SLC9A8: variants seen among roughly 807,000 people sequenced by gnomAD.
SLC9A8 encodes the protein solute carrier family 9 member A8.
In SLC9A8, 48 loss-of-function variants were observed where a neutral mutation model predicts 66.6. That is an observed-to-expected ratio of 0.72 (90% CI 0.57 to 0.92). SLC9A8 has a LOEUF of 0.92. SLC9A8 is among the 40% of genes least tolerant of loss of function. The pLI, the probability that SLC9A8 is intolerant of heterozygous loss-of-function variation, is 0.00. For synonymous variants in SLC9A8, 274 were observed against 282.6 expected (o/e 0.97, Z 0.31); for missense variants, 599 against 747.3 (o/e 0.80, Z 2.31).
At position 49,815,094 on chromosome 20, in the gene SLC9A8, C is replaced by T. The variant is rs776437567; in HGVS notation, c.113C>T (p.Pro38Leu). 1.6e-5 allele frequency: 26 copies of T among 1,609,046 alleles called. No homozygotes were observed. Among genetic ancestry groups the T allele is most frequent in the East Asian group, 2.3e-5 (1 of 44,436 alleles). ...ACGACGAAACTGGTGCTCCCGACCC[C>T]TGGCAAGCCCATCCTCCCCGTGCAG... ...VVTTKLVLPT[P>L]GKPILPVQTG... Residue 38 changes from proline (P) to leucine (L), a missense_variant, in exon 2 of 16, where the codon CCT (proline) becomes CTT (leucine). By Grantham distance (98) the Pro-to-Leu change is moderately conservative. Around this residue, in one of 2 missense-constraint regions of SLC9A8, gnomAD observed 132 missense variants for 120.9 expected, o/e 1.09. Transcript: ENST00000361573.
intron 7 of SLC9A8, 29 bp downstream of exon 7, chr20:49,850,873 C>T (rs775239713): frequency 1.2e-5 from 19 of 1,537,004 alleles, no homozygotes; most frequent in Admixed American, 1.8e-5. Context: ...AACACCCATG[C>T]GACTGCTTTT....
At chr20:49,817,967 A>G (rs2086614811) in intron 2 of SLC9A8, among the ~76,000 whole-genome samples, 2 of 152,182 alleles carry the variant, frequency 1.3e-5, no homozygotes, top group Admixed American at 1.3e-4. Flanking sequence ...ATTAAGGAGT[A>G]TTATTAATCT....
In SLC9A8 at chr20:49,891,403, A is replaced by T. The variant is rs1424584892; in HGVS notation, c.*3467A>T. 6.6e-6 allele frequency: 1 copy of T among 152,232 alleles called. No homozygotes were observed. The highest frequency in any genetic ancestry group is 6.5e-5 in the Admixed American group (1 of 15,286). 9.4% of individuals were successfully genotyped at this position (152,232 alleles called of 1,614,324 possible). A position where few individuals can be genotyped will look rare whatever the true frequency, so the allele number is the denominator to read the frequency against. ...TCACGCCCTCCATCTCACAGTCAAG[A>T]TAAAGGCCTCGAGAATAAAGAGCCA... On this transcript the variant is annotated 3_prime_UTR_variant, in exon 16 of 16. Coordinates refer to ENST00000361573, the MANE Select transcript of SLC9A8 (RefSeq NM_015266.3).
Position 49,880,967 on chromosome 20 carries a change from C to T in SLC9A8, c.1202C>T (p.Ser401Phe), listed in dbSNP as rs762195695. 6.2e-7 allele frequency: 1 copy of T among 1,613,920 alleles called. No homozygotes were observed. Among genetic ancestry groups the T allele is most frequent in the African/African-American group, 1.3e-5 (1 of 74,918 alleles). The change falls in exon 13 of 16, where the codon TCC becomes TTC. Residue 401 changes from serine to phenylalanine, a missense_variant. Around this residue, in one of 2 missense-constraint regions of SLC9A8, gnomAD observed 467 missense variants for 626.5 expected, o/e 0.75. Transcript: ENST00000361573. ...AGAGCGGTAAACATTTTCCCTCTTT[C>T]CTACCTCCTGAATTTCTTCCGGGAT... ...FGRAVNIFPL[S>F]YLLNFFRDHK...
At chr20:49,814,951 G>A (rs1020349433) in intron 1 of SLC9A8, 57 bp from the exon 2 acceptor site, 39 of 1,357,486 alleles carry the variant, frequency 2.9e-5, no homozygotes, top group Non-Finnish European at 3.6e-5. Context: ...TGAGGTGTGT[G>A]AATTGATGTT....
intron 2 of SLC9A8, among the ~76,000 whole-genome samples, chr20:49,816,829 C>A (rs550334909): frequency 6.6e-6 from 1 of 151,898 alleles, no homozygotes; most frequent in African/African-American, 2.4e-5. Flanking sequence ...CCCGGGTTCA[C>A]GCCGTTCTCC....
intron 11 of SLC9A8, among the ~76,000 whole-genome samples, chr20:49,877,249 G>A (rs1168723311): frequency 2.0e-5 from 3 of 151,970 alleles, no homozygotes; most frequent in South Asian, 2.1e-4. Flanking sequence ...AGCCGAGATC[G>A]TGCCACTACA....
intron 13 of SLC9A8, among the ~76,000 whole-genome samples, chr20:49,882,829 G>A (rs1055255496): frequency 6.6e-6 from 1 of 152,178 alleles, no homozygotes; most frequent in African/African-American, 2.4e-5. Flanking sequence ...GTTTAGAGAG[G>A]CTGAGAGTCC....
intron 12 of SLC9A8, 111 bp downstream of exon 12, chr20:49,878,174 T>C: frequency 1.8e-6 from 1 of 565,620 alleles, no homozygotes; most frequent in Non-Finnish European, 2.9e-6. Flanking sequence ...AACAGCTACA[T>C]AGACACTCTT....
In SLC9A8 at chr20:49,886,908, CGGCCA is replaced by C; in HGVS notation, c.1638+16_1638+20del. On this transcript the variant is annotated intron_variant, in intron 15 of 15. Coordinates refer to ENST00000361573, the MANE Select transcript of SLC9A8 (RefSeq NM_015266.3). This position sits in a 1 kb window ranked among gnomAD's most constrained non-coding sequence, Gnocchi z 4.8. ...GAGGCTGACGCAGGAGGTGGGATAC[CGGCCA>C]GGCCACACTTTCTGGGGGTCCCTTG... 6.2e-7 allele frequency: 1 copy of C among 1,611,194 alleles called. No individual in the cohort carries two copies. Among genetic ancestry groups the C allele is most frequent in the South Asian group, 1.1e-5 (1 of 90,684 alleles).
intron 3 of SLC9A8, among the ~76,000 whole-genome samples, chr20:49,834,208 T>TACAC (rs1217049883): frequency 4.7e-4 from 54 of 115,578 alleles, no homozygotes; most frequent in African/African-American, 1.6e-3. Flanking sequence ...TATATATATA[T>TACAC]ATATATACAC....
At chr20:49,881,831 C>CT (rs2089636058) in intron 13 of SLC9A8, among the ~76,000 whole-genome samples, 1 of 152,118 alleles carries the variant, frequency 6.6e-6, no homozygotes, top group Non-Finnish European at 1.5e-5. Context: ...TTCCTAATCT[C>CT]TTTTGCCAGT....
At chr20:49,869,544 T>C (rs2089121309) in intron 10 of SLC9A8, among the ~76,000 whole-genome samples, 1 of 150,512 alleles carries the variant, frequency 6.6e-6, no homozygotes, top group African/African-American at 2.4e-5. Flanking sequence ...TCTTAAGATG[T>C]TGGCATGGGC....
intron 3 of SLC9A8, among the ~76,000 whole-genome samples, chr20:49,828,857 A>G (rs982106935): frequency 4.0e-5 from 6 of 151,274 alleles, no homozygotes; most frequent in African/African-American, 1.5e-4. Context: ...AGTAATAATA[A>G]TAATAATAAT....
chr20:49,882,491 A>G (rs1176032963), intron 13 of SLC9A8, among the ~76,000 whole-genome samples: 8 of 152,098 alleles, frequency 5.3e-5, no homozygotes, highest in Admixed American at 4.6e-4. Context: ...TGGCTTCTTC[A>G]GGACTTGGCC....
At chr20:49,849,716 T>TA (rs1158734695) in intron 6 of SLC9A8, 36 bp downstream of exon 6, 2 of 1,517,012 alleles carry the variant, frequency 1.3e-6, no homozygotes, top group Non-Finnish European at 1.8e-6. Context: ...TTGAAAGTCT[T>TA]ACATTCTTAG....
chr20:49,886,679 G>A lies in SLC9A8; in HGVS notation c.1492-73G>A, dbSNP rs2089902859. ...TGGGGACACTGGCGGCCTGGGTGGT[G>A]TGGGGGCTTCCAGGAGGTGCCCCCC... On this transcript the variant is annotated intron_variant, in intron 14 of 15. Transcript: ENST00000361573. This position sits in a 1 kb window ranked among gnomAD's most constrained non-coding sequence, Gnocchi z 4.8. 3 of 1,553,618 alleles carry A rather than the reference G, an allele frequency of 1.9e-6. No individual in the cohort carries two copies. The South Asian group carries it at 3.5e-5, about 18-fold the overall frequency.
intron 12 of SLC9A8, among the ~76,000 whole-genome samples, chr20:49,878,746 G>A (rs568701696): frequency 3.3e-5 from 5 of 152,288 alleles, no homozygotes; most frequent in South Asian, 2.1e-4. Flanking sequence ...TAGGCTGGGC[G>A]CGGTGGCTCA....
At chr20:49,834,185 CTATATATATA>C (rs377091649) in intron 3 of SLC9A8, among the ~76,000 whole-genome samples, 1,959 of 34,450 alleles carry the variant, frequency 0.057, 52 homozygotes, top group East Asian at 0.11. Flanking sequence ...CTCTCTCTCT[CTATATATATA>C]TATATATATA....
Sources: allele counts gnomAD v4.1 joint callset (sites outside exome capture counted in the v4.1 genomes callset), GRCh38; gene constraint gnomAD v4.1.1; regional missense constraint gnomAD v4.1.1; non-coding constraint Gnocchi (gnomAD v3.1); transcripts MANE v1.5; gene names NCBI Gene and HGNC (gene_info 2026-07-23, HGNC 2026-07-21).